Variants in GLCE observed in about 807,000 individuals in gnomAD.
The protein encoded by GLCE is D-glucuronyl C5-epimerase.
GLCE carries 19 observed loss-of-function variants against 47.9 expected under a neutral mutation model. The ratio of observed to expected loss-of-function variants is 0.40; its 90% CI spans 0.28 to 0.58. GLCE has a LOEUF of 0.58. Among genes scored for constraint, GLCE ranks in the 20% least tolerant of loss-of-function variants. GLCE has a pLI of 0.48. For synonymous variants in GLCE, 245 were observed against 263.4 expected (o/e 0.93, Z 0.68); for missense variants, 556 against 743.3 (o/e 0.75, Z 2.93).
chr15:69,187,413 C>G (rs533098721), intron 1 of GLCE, among the ~76,000 whole-genome samples: 19 of 152,196 alleles, frequency 1.2e-4, no homozygotes, highest in Non-Finnish European at 2.4e-4. Flanking sequence ...TCATTTAATT[C>G]TCCCTTCAAC....
chr15:69,214,456 T>C (rs889944301), intron 2 of GLCE, among the ~76,000 whole-genome samples: 1 of 152,128 alleles, frequency 6.6e-6, no homozygotes, highest in African/African-American at 2.4e-5. Flanking sequence ...CCCTCTTGCC[T>C]GCTGCCATGT....
chr15:69,235,189 C>T (rs2052580509), intron 2 of GLCE, among the ~76,000 whole-genome samples: 1 of 137,862 alleles, frequency 7.3e-6, no homozygotes. Context: ...CTTACTGCAA[C>T]CTCTGCCTCC....
At chr15:69,181,724 A>AT (rs1376708545) in intron 1 of GLCE, among the ~76,000 whole-genome samples, 4 of 152,244 alleles carry the variant, frequency 2.6e-5, no homozygotes, top group African/African-American at 9.6e-5. Flanking sequence ...AGAAAGAATC[A>AT]TTTTTCTGAG....
intron 1 of GLCE, among the ~76,000 whole-genome samples, chr15:69,190,206 C>T (rs941639286): frequency 6.6e-6 from 1 of 151,986 alleles, no homozygotes; most frequent in Non-Finnish European, 1.5e-5. Flanking sequence ...TTTTATGGCT[C>T]AGAATATAGT....
chr15:69,197,199 A>G, intron 1 of GLCE: 2 of 422,564 alleles, frequency 4.7e-6, no homozygotes, highest in Non-Finnish European at 9.6e-6. Context: ...AAGTTGAATG[A>G]ATTGGGCACA....
At chr15:69,254,515 G>A (rs1321128734) in intron 2 of GLCE, among the ~76,000 whole-genome samples, 2 of 152,176 alleles carry the variant, frequency 1.3e-5, no homozygotes, top group African/African-American at 2.4e-5. Flanking sequence ...TATAACTGCT[G>A]TGTTCCAGGT....
At chr15:69,208,426 T>C (rs2052180713) in intron 1 of GLCE, among the ~76,000 whole-genome samples, 1 of 152,070 alleles carries the variant, frequency 6.6e-6, no homozygotes, top group Non-Finnish European at 1.5e-5. Flanking sequence ...TTTGAACCTT[T>C]GACAAAAATC....
intron 3 of GLCE, 99 bp from the exon 4 acceptor site, chr15:69,260,988 C>A: frequency 1.8e-6 from 2 of 1,131,228 alleles, no homozygotes; most frequent in Non-Finnish European, 2.5e-6. Flanking sequence ...TCCTGATAAC[C>A]CTGTAAGATC....
intron 1 of GLCE, among the ~76,000 whole-genome samples, chr15:69,201,911 C>T (rs901239075): frequency 6.6e-6 from 1 of 151,720 alleles, no homozygotes; most frequent in Non-Finnish European, 1.5e-5. Flanking sequence ...CCTCCTCCTC[C>T]TATTATTATT....
chr15:69,174,980 A>T (rs1454032249), intron 1 of GLCE, among the ~76,000 whole-genome samples: 3 of 152,072 alleles, frequency 2.0e-5, no homozygotes, highest in African/African-American at 7.2e-5. Flanking sequence ...AAGGTTTTTT[A>T]AAAAAATTAA....
chr15:69,181,337 C>G (rs949559672), intron 1 of GLCE, among the ~76,000 whole-genome samples: 3 of 152,140 alleles, frequency 2.0e-5, no homozygotes, highest in African/African-American at 7.2e-5. Context: ...GATCAGATGA[C>G]TTCACTAAGG....
chr15:69,184,072 T>C (rs941774250), intron 1 of GLCE, among the ~76,000 whole-genome samples: 9 of 152,362 alleles, frequency 5.9e-5, no homozygotes, highest in Admixed American at 5.9e-4. Context: ...TTATTCCAGT[T>C]TGATGTCTTC....
chr15:69,177,921 G>A (rs1384410801), intron 1 of GLCE, among the ~76,000 whole-genome samples: 2 of 152,198 alleles, frequency 1.3e-5, no homozygotes, highest in East Asian at 3.9e-4. Context: ...ATTCTTCTCT[G>A]TTGTTGCATG....
intron 2 of GLCE, among the ~76,000 whole-genome samples, chr15:69,240,532 G>C (rs2052655378): frequency 6.6e-6 from 1 of 152,108 alleles, no homozygotes; most frequent in Admixed American, 6.5e-5. Context: ...GGCAGCAGGT[G>C]GGGATGAAAG....
intron 2 of GLCE, among the ~76,000 whole-genome samples, chr15:69,218,864 T>C (rs1021298895): frequency 6.6e-6 from 1 of 152,186 alleles, no homozygotes; most frequent in Non-Finnish European, 1.5e-5. Context: ...GTAAAAATAC[T>C]CATCTCAAAA....
chr15:69,186,602 G>A (rs2051827499), intron 1 of GLCE, among the ~76,000 whole-genome samples: 2 of 152,200 alleles, frequency 1.3e-5, no homozygotes, highest in Admixed American at 1.3e-4. Flanking sequence ...CTTAGTTTCT[G>A]AGTATCTAAG....
chr15:69,225,319 C>T (rs1285858842), intron 2 of GLCE, among the ~76,000 whole-genome samples: 1 of 152,014 alleles, frequency 6.6e-6, no homozygotes, highest in Non-Finnish European at 1.5e-5. Flanking sequence ...TCATAGAAGT[C>T]CCTGTCCTCT....
At chr15:69,210,429 A>C (rs2052215090) in intron 2 of GLCE, 23 bp downstream of exon 2, 1 of 152,128 alleles carries the variant, frequency 6.6e-6, no homozygotes, top group Non-Finnish European at 1.5e-5. Flanking sequence ...GATAAAATTT[A>C]ATCATACCTT....
At chr15:69,216,320 T>A (rs972192115) in intron 2 of GLCE, among the ~76,000 whole-genome samples, 18 of 152,304 alleles carry the variant, frequency 1.2e-4, no homozygotes, top group African/African-American at 4.1e-4. Context: ...AACCTGATAC[T>A]GTCTTAGGAT....
Sources: gnomAD v4.1 joint callset for allele counts (sites outside exome capture counted in the v4.1 genomes callset) on GRCh38, gnomAD v4.1.1 for gene constraint, MANE v1.5 for transcripts, NCBI Gene and HGNC (gene_info 2026-07-23, HGNC 2026-07-21) for gene names.